The following RALYL variants were observed in gnomAD, a reference collection of about 807,000 sequenced individuals.
The protein encoded by RALYL is RALY RNA binding protein like.
In RALYL, 29 loss-of-function variants were observed where a neutral mutation model predicts 35.1. The observed-to-expected ratio is 0.83, with a 90% CI of 0.61 to 1.13. RALYL has a LOEUF of 1.13. Among genes scored for constraint, RALYL ranks in the 50% most tolerant of loss-of-function variants. The pLI is 0.00. For missense variants in RALYL, 359 were observed against 360.4 expected, an observed-to-expected ratio of 1.00 and a Z score of 0.03; for synonymous variants, 120 against 127.6, an observed-to-expected ratio of 0.94 and a Z score of 0.40.
chr8:84,266,378 A>C (rs1833296620), intron 1 of RALYL, among the ~76,000 whole-genome samples: 1 of 152,240 alleles, frequency 6.6e-6, no homozygotes, highest in Non-Finnish European at 1.5e-5. Flanking sequence ...AATAACAATG[A>C]AAAGGAAACT....
Position 84,669,494 on chromosome 8 carries a change from C to CA in RALYL, c.257-105085_257-105084insA, listed in dbSNP as rs1554771617. 3.0e-4 allele frequency among the ~76,000 whole-genome samples: 19 copies of CA among 64,116 alleles called. 1 individual carries two copies. The South Asian group carries it at 9.6e-3, about 32-fold the overall frequency. 42.1% of individuals were successfully genotyped at this position (64,116 alleles called of 152,430 possible). ...CATCTTCTCCCTCCCCCCTCCCCCC[C>CA]CCCCCACTCTATTAGTTCACAGTGT... On this transcript the variant is annotated intron_variant, in intron 2 of 8. Transcript: ENST00000521268.
At chr8:84,284,477 A>C (rs1837229223) in intron 1 of RALYL, among the ~76,000 whole-genome samples, 1 of 152,220 alleles carries the variant, frequency 6.6e-6, no homozygotes, top group Admixed American at 6.5e-5. Flanking sequence ...CTTCTAGCTA[A>C]GTAATGAAAT....
At chr8:84,428,104 TCTCACACACACACA>T (rs2046724568) in intron 1 of RALYL, among the ~76,000 whole-genome samples, 1 of 131,758 alleles carries the variant, frequency 7.6e-6, no homozygotes, top group South Asian at 2.5e-4. Context: ...TCTCTCTCTC[TCTCACACACACACA>T]CACACACACA....
intron 1 of RALYL, among the ~76,000 whole-genome samples, chr8:84,212,616 A>G (rs894385844): frequency 2.0e-4 from 30 of 152,288 alleles, no homozygotes; most frequent in African/African-American, 7.0e-4. Context: ...ACTTGATAGG[A>G]ATATCTGGAG....
At chr8:84,592,515 T>C (rs1344268927) in intron 2 of RALYL, among the ~76,000 whole-genome samples, 15 of 152,146 alleles carry the variant, frequency 9.9e-5, no homozygotes, top group Admixed American at 9.8e-4. Context: ...GTTTCTGCCA[T>C]AATTACTAAT....
At chr8:84,333,937 G>T (rs1847296937) in intron 1 of RALYL, among the ~76,000 whole-genome samples, 2 of 152,232 alleles carry the variant, frequency 1.3e-5, no homozygotes, top group South Asian at 4.1e-4. Context: ...CCAGGTTGGA[G>T]GGCAGTGGGG....
At chr8:84,504,007 T>C (rs1228187408) in intron 1 of RALYL, among the ~76,000 whole-genome samples, 1 of 152,060 alleles carries the variant, frequency 6.6e-6, no homozygotes, top group Non-Finnish European at 1.5e-5. Flanking sequence ...AAGAAAAAGA[T>C]GACCATACCT....
At chr8:84,587,363 A>C (rs1174932596) in intron 2 of RALYL, among the ~76,000 whole-genome samples, 3 of 152,174 alleles carry the variant, frequency 2.0e-5, no homozygotes, top group Non-Finnish European at 4.4e-5. Context: ...TGAGTTTCAC[A>C]TTGCTTTATC....
chr8:84,754,179 A>G (rs564259790), intron 2 of RALYL, among the ~76,000 whole-genome samples: 2 of 152,048 alleles, frequency 1.3e-5, no homozygotes, highest in South Asian at 2.1e-4. Context: ...TTTTGTTGCC[A>G]TTGCTTTTGG....
intron 5 of RALYL, among the ~76,000 whole-genome samples, chr8:84,857,159 G>GA (rs1837225992): frequency 6.6e-6 from 1 of 151,342 alleles, no homozygotes; most frequent in Admixed American, 6.6e-5. Flanking sequence ...TAAGCATAAT[G>GA]AAAAGGAAGG....
At chr8:84,735,809 CGCGAGAGAGAGAGAGAGAGA>C (rs1455345839) in intron 2 of RALYL, among the ~76,000 whole-genome samples, 1 of 119,046 alleles carries the variant, frequency 8.4e-6, no homozygotes, top group African/African-American at 3.2e-5. Flanking sequence ...TCATCCAAAC[CGCGAGAGAGAGAGAGAGAGA>C]GAGAGAGAGA....
At chr8:84,777,649 A>G (rs545777434) in intron 3 of RALYL, among the ~76,000 whole-genome samples, 103 of 151,538 alleles carry the variant, frequency 6.8e-4, no homozygotes, top group African/African-American at 8.2e-4. Context: ...GTTTTGTTTT[A>G]TTTTGCTTTT....
chr8:84,266,846 G>A (rs1170042374), intron 1 of RALYL, among the ~76,000 whole-genome samples: 12 of 151,540 alleles, frequency 7.9e-5, no homozygotes, highest in African/African-American at 2.4e-4. Flanking sequence ...TGTAGTCCCA[G>A]CTACTCGGGA....
Position 84,913,035 on chromosome 8 carries a change from GGTAGGTAGATAGATAGATAGA to G in RALYL, c.859-7858_859-7838del, listed in dbSNP as rs1847810201. Among the ~76,000 whole-genome samples the G allele has an allele frequency of 1.5e-4, 9 of 60,874 alleles. No homozygotes were observed. The Admixed American group carries it at 1.9e-3, about 13-fold the overall frequency. 39.9% of individuals were successfully genotyped at this position (60,874 alleles called of 152,430 possible). On this transcript the variant is annotated intron_variant, in intron 8 of 8. Coordinates refer to ENST00000521268, the MANE Select transcript of RALYL (RefSeq NM_173848.7). ...GGATGGATGGATGGATGGATGGATA[GGTAGGTAGATAGATAGATAGA>G]TAGATAGATAGATAGATAGATAGAT...
At chr8:84,552,268 A>G (rs376712332) in intron 2 of RALYL, among the ~76,000 whole-genome samples, 5 of 148,422 alleles carry the variant, frequency 3.4e-5, no homozygotes, top group East Asian at 4.0e-4. Flanking sequence ...TGTATTTCCA[A>G]TATTTTCAAT....
chr8:84,691,286 T>C (rs1837996171), intron 2 of RALYL, among the ~76,000 whole-genome samples: 2 of 152,060 alleles, frequency 1.3e-5, no homozygotes, highest in African/African-American at 4.8e-5. Context: ...ATATATAAAA[T>C]ACGGCATTCT....
intron 1 of RALYL, among the ~76,000 whole-genome samples, chr8:84,355,947 T>C (rs1474536589): frequency 4.0e-5 from 6 of 149,878 alleles, no homozygotes; most frequent in African/African-American, 1.0e-4. Context: ...TGGGAGGTGA[T>C]TGGATCATGG....
intron 8 of RALYL, among the ~76,000 whole-genome samples, chr8:84,907,310 TCACAC>T (rs145377447): frequency 0.22 from 33,235 of 148,110 alleles, 3,836 homozygotes; most frequent in East Asian, 0.34. Flanking sequence ...AGATATAGCG[TCACAC>T]ACACACACAC....
intron 1 of RALYL, among the ~76,000 whole-genome samples, chr8:84,244,641 CTTTGTTGTT>C (rs1286153000): frequency 6.6e-6 from 1 of 152,140 alleles, no homozygotes; most frequent in Non-Finnish European, 1.5e-5. Context: ...TCTTAGTTGT[CTTTGTTGTT>C]AACCCAATTA....
Sources: allele counts gnomAD v4.1 joint callset (sites outside exome capture counted in the v4.1 genomes callset), GRCh38; gene constraint gnomAD v4.1.1; transcripts MANE v1.5; gene names NCBI Gene and HGNC (gene_info 2026-07-23, HGNC 2026-07-21).